Variants in ATP11A observed in about 807,000 individuals in gnomAD.
ATP11A encodes the protein ATPase phospholipid transporting 11A, also known as phospholipid-transporting ATPase IH.
In ATP11A, 81 loss-of-function variants were observed where a neutral mutation model predicts 154.4. The observed-to-expected ratio is 0.52, with a 90% CI of 0.44 to 0.63. The LOEUF (loss-of-function observed/expected upper bound fraction) is 0.63, where lower values mean the gene tolerates loss of function less well. Ranked by LOEUF, ATP11A falls within the 30% of genes least tolerant of loss-of-function variation. ATP11A has a pLI of 0.00. For missense variants in ATP11A, 1,316 were observed against 1,474.3 expected, an observed-to-expected ratio of 0.89 and a Z score of 1.76; for synonymous variants, 623 against 585.9, an observed-to-expected ratio of 1.06 and a Z score of -0.91.
In ATP11A at chr13:112,838,461, A is replaced by G. The variant is rs367830575; in HGVS notation, c.1705+2210A>G. Among the ~76,000 whole-genome samples the G allele has an allele frequency of 5.3e-3, 802 of 152,144 alleles. 5 individuals carry two copies. Among genetic ancestry groups the G allele is most frequent in the African/African-American group, 0.017 (717 of 41,504 alleles). On this transcript the variant is annotated intron_variant, in intron 16 of 29. Coordinates refer to ENST00000375645, the MANE Select transcript of ATP11A (RefSeq NM_015205.3). This position sits in a 1 kb window ranked among gnomAD's most constrained non-coding sequence, Gnocchi z 7.3. ...CTGCCCGTGACCTGCGGGGCTGACC[A>G]CGGTGCCCAAGAAGGCAAGCATCAG... is the stretch of plus-strand genomic sequence containing the variant.
At chr13:112,694,874 C>T (rs1424775841) in intron 1 of ATP11A, among the ~76,000 whole-genome samples, 5 of 152,112 alleles carry the variant, frequency 3.3e-5, no homozygotes, top group African/African-American at 9.7e-5. Flanking sequence ...AACATTTTTG[C>T]TTCCCGAGAA....
chr13:112,762,836 GC>G (rs1207286948), intron 1 of ATP11A, among the ~76,000 whole-genome samples: 3 of 152,234 alleles, frequency 2.0e-5, no homozygotes, highest in African/African-American at 7.2e-5. Flanking sequence ...TGGCGTGGAG[GC>G]CGGGGCACTC....
In ATP11A at chr13:112,697,500, C is replaced by A. The variant is rs918485367; in HGVS notation, c.39+7045C>A. Among the ~76,000 whole-genome samples the A allele has an allele frequency of 6.6e-6, 1 of 152,128 alleles. No individual in the cohort carries two copies. Among genetic ancestry groups the A allele is most frequent in the Non-Finnish European group, 1.5e-5 (1 of 68,020 alleles). ...AGGGAGAGCAGCCGCAGTGCCCTGT[C>A]CCCAGAGCCTGGTGTCCAGAGCCAG... On this transcript the variant is annotated intron_variant, in intron 1 of 29. Transcript: ENST00000375645. The surrounding 1 kb of genome is among the most constrained non-coding windows in gnomAD (Gnocchi z 4.0).
chr13:112,751,759 T>C (rs2076698563), intron 1 of ATP11A, among the ~76,000 whole-genome samples: 1 of 146,356 alleles, frequency 6.8e-6, no homozygotes, highest in Admixed American at 6.8e-5. Flanking sequence ...AGACAGGGTC[T>C]TACTCTGTCA....
rs1164537549 is a variant in ATP11A, at chr13:112,807,392, C to T, written c.333+1099C>T. Among the ~76,000 whole-genome samples, 1 of 152,244 alleles carries T rather than the reference C, an allele frequency of 6.6e-6. No individual in the cohort carries two copies. Among genetic ancestry groups the T allele is most frequent in the Non-Finnish European group, 1.5e-5 (1 of 68,050 alleles). On this transcript the variant is annotated intron_variant, in intron 4 of 29. Coordinates refer to ENST00000375645, the MANE Select transcript of ATP11A (RefSeq NM_015205.3). The surrounding 1 kb of genome is among the most constrained non-coding windows in gnomAD (Gnocchi z 4.5). ...GGCTGTCATTGATTAGCAAAGGACT[C>T]GGGCAACCTGGTGTCCCTCCGTAAG...
chr13:112,844,443 G>A lies in ATP11A; in HGVS notation c.1809+2064G>A, dbSNP rs117297655. Reference sequence around the variant, plus strand: ...TGGAGGCTTTGCCTGCTGGGAAGGGGACGCATCCCTCACCCTAGAGACTGT... The same window carrying A: ...TGGAGGCTTTGCCTGCTGGGAAGGGAACGCATCCCTCACCCTAGAGACTGT... On this transcript the variant is annotated intron_variant, in intron 17 of 29. Transcript: ENST00000375645. Among the ~76,000 whole-genome samples, 1,125 of 152,284 alleles carry A rather than the reference G, an allele frequency of 7.4e-3. 7 individuals carry two copies. The highest frequency in any genetic ancestry group is 0.013 in the Non-Finnish European group (872 of 68,026).
At chr13:112,724,906 A>C (rs756683945) in intron 1 of ATP11A, among the ~76,000 whole-genome samples, 2 of 152,146 alleles carry the variant, frequency 1.3e-5, no homozygotes, top group Non-Finnish European at 2.9e-5. Flanking sequence ...CTGTTTCCAA[A>C]GGTGATCTGC....
rs548642735 is a variant in ATP11A at position 112,825,464 on chromosome 13, A to C, written c.907A>C (p.Ile303Leu). The stretch of plus-strand genomic sequence containing the variant: ...TGCGTTCCTCATTGTGTATCTCTGC[A>C]TTCTGATCAGCAAAGCCCTGATAAA... Reference protein sequence around the residue: ...MNAFLIVYLCILISKALINTV... With the variant: ...MNAFLIVYLCLLISKALINTV... The change falls in exon 11 of 30, where the codon ATT (isoleucine) becomes CTT (leucine). Residue 303 changes from isoleucine to leucine, a missense_variant. Physicochemically the swap from Ile to Leu is conservative, Grantham distance 5 (BLOSUM62 2). Coordinates refer to ENST00000375645, the MANE Select transcript of ATP11A (RefSeq NM_015205.3). The C allele has an allele frequency of 6.2e-7, 1 of 1,613,676 alleles. No homozygotes were observed.
At chr13:112,830,747 C>G (rs1384551025) in intron 12 of ATP11A, among the ~76,000 whole-genome samples, 1 of 152,170 alleles carries the variant, frequency 6.6e-6, no homozygotes, top group South Asian at 2.1e-4. Context: ...TGCTGCCGTG[C>G]GTTCCAGAAC....
At chr13:112,866,621 T>C (rs1566593350) in intron 25 of ATP11A, among the ~76,000 whole-genome samples, 1 of 150,946 alleles carries the variant, frequency 6.6e-6, no homozygotes, top group African/African-American at 2.4e-5. Flanking sequence ...TCGGAGAAAG[T>C]CCCTCTTCAG....
At chr13:112,840,198 G>A (rs1198861272) in intron 16 of ATP11A, among the ~76,000 whole-genome samples, 19 of 73,070 alleles carry the variant, frequency 2.6e-4, no homozygotes, top group African/African-American at 1.0e-3. Flanking sequence ...CCACTCTCCC[G>A]TGCCGTCCAG....
chr13:112,701,716 C>T (rs915954048), intron 1 of ATP11A, among the ~76,000 whole-genome samples: 19 of 152,030 alleles, frequency 1.2e-4, no homozygotes, highest in African/African-American at 2.4e-4. Flanking sequence ...GCCTGTAGTC[C>T]CAGCTACTCG....
chr13:112,707,053 A>G (rs538883780), intron 1 of ATP11A, among the ~76,000 whole-genome samples: 2 of 152,344 alleles, frequency 1.3e-5, no homozygotes, highest in South Asian at 4.1e-4. Flanking sequence ...ACTCGGCAAC[A>G]TCAGCACCAC....
chr13:112,814,063 A>T lies in ATP11A; in HGVS notation c.442-2020A>T, dbSNP rs7319691. On this transcript the variant is annotated intron_variant, in intron 5 of 29. Coordinates refer to ENST00000375645, the MANE Select transcript of ATP11A (RefSeq NM_015205.3). ...TCTTGATTTTTTTTTTCTTTTTTTTAAAATTATTATTTCTTTTGAGACAGA... is the reference window on the plus strand; with the variant it reads ...TCTTGATTTTTTTTTTCTTTTTTTTTAAATTATTATTTCTTTTGAGACAGA... 9.1e-3 allele frequency among the ~76,000 whole-genome samples: 1,369 copies of T among 149,910 alleles called. 16 individuals are homozygous for T. Among genetic ancestry groups the T allele is most frequent in the South Asian group, 0.042 (199 of 4,754 alleles).
chr13:112,779,670 T>C (rs1305740996), intron 1 of ATP11A, among the ~76,000 whole-genome samples: 1 of 152,074 alleles, frequency 6.6e-6, no homozygotes, highest in Non-Finnish European at 1.5e-5. Context: ...TCCCAGCACT[T>C]TGGGAGGCTG....
At chr13:112,759,598 T>A (rs1234101570) in intron 1 of ATP11A, among the ~76,000 whole-genome samples, 1 of 152,250 alleles carries the variant, frequency 6.6e-6, no homozygotes, top group Non-Finnish European at 1.5e-5. Flanking sequence ...TCAGCAAATG[T>A]ACTTTCATTT....
intron 5 of ATP11A, among the ~76,000 whole-genome samples, chr13:112,813,402 G>A (rs1246955665): frequency 6.6e-6 from 1 of 152,176 alleles, no homozygotes; most frequent in Non-Finnish European, 1.5e-5. Flanking sequence ...TTTTCAGGCA[G>A]TCTAATTCCC....
In ATP11A at chr13:112,753,970, C is replaced by G. The variant is rs186588165; in HGVS notation, c.40-31165C>G. Among the ~76,000 whole-genome samples, 2 of 152,388 alleles carry G rather than the reference C, an allele frequency of 1.3e-5. No homozygotes were observed. The highest frequency in any genetic ancestry group is 1.3e-4 in the Admixed American group (2 of 15,312). On this transcript the variant is annotated intron_variant, in intron 1 of 29. Transcript: ENST00000375645. This position sits in a 1 kb window ranked among gnomAD's most constrained non-coding sequence, Gnocchi z 4.1. The stretch of plus-strand genomic sequence containing the variant: ...GCTCATTACGTGGACACCGCTGCCT[C>G]TGAAGCTGGTTCTGCCACACGCCTG...
intron 1 of ATP11A, among the ~76,000 whole-genome samples, chr13:112,784,918 G>T (rs2140027074): frequency 6.6e-6 from 1 of 152,294 alleles, no homozygotes; most frequent in South Asian, 2.1e-4. Context: ...GACCCTCCTG[G>T]TGCTCACCAG....
Sources: allele counts gnomAD v4.1 joint callset (sites outside exome capture counted in the v4.1 genomes callset), GRCh38; gene constraint gnomAD v4.1.1; non-coding constraint Gnocchi (gnomAD v3.1); transcripts MANE v1.5; gene names NCBI Gene and HGNC (gene_info 2026-07-23, HGNC 2026-07-21).